The following SERPINI1 variants were observed in gnomAD, a reference collection of about 807,000 sequenced individuals.
SERPINI1 encodes serpin family I member 1.
In SERPINI1, 19 loss-of-function variants were observed where a neutral mutation model predicts 41.1. The observed-to-expected ratio is 0.46, with a 90% CI of 0.32 to 0.68. The LOEUF (loss-of-function observed/expected upper bound fraction) is 0.68, where lower values mean the gene tolerates loss of function less well. Among genes scored for constraint, SERPINI1 ranks in the 30% least tolerant of loss-of-function variants. The probability of loss-of-function intolerance (pLI) is 0.03; values close to 1 mark genes in which losing one functional copy is unlikely to be tolerated. For missense variants in SERPINI1, 460 were observed against 479.2 expected, an observed-to-expected ratio of 0.96 and a Z score of 0.37; for synonymous variants, 138 against 156.6, an observed-to-expected ratio of 0.88 and a Z score of 0.89.
intron 1 of SERPINI1, among the ~76,000 whole-genome samples, chr3:167,750,831 A>C (rs1163704714): frequency 1.3e-5 from 2 of 152,134 alleles, no homozygotes. Context: ...AGTAACCAGA[A>C]TACTTTGTGT....
At chr3:167,796,505 C>T (rs1324503960) in intron 5 of SERPINI1, among the ~76,000 whole-genome samples, 1 of 152,050 alleles carries the variant, frequency 6.6e-6, no homozygotes, top group Non-Finnish European at 1.5e-5. Context: ...TGATACTCTC[C>T]CTCCCCGCAA....
rs1712452607 is a variant in SERPINI1, at chr3:167,824,571, A to G, written c.1156+9A>G. 1 of 1,592,828 alleles carries G rather than the reference A, an allele frequency of 6.3e-7. No homozygotes were observed. Among genetic ancestry groups the G allele is most frequent in the Non-Finnish European group, 8.6e-7 (1 of 1,161,446 alleles). ...CAGAAACAGGAGAACTGGTAAGTTTATTATGAAAACAAAATTTTATTTAAT... is the reference window on the plus strand; with the variant it reads ...CAGAAACAGGAGAACTGGTAAGTTTGTTATGAAAACAAAATTTTATTTAAT... On this transcript the variant is annotated intron_variant, in intron 8 of 8. Transcript: ENST00000446050.
At chr3:167,739,618 A>G (rs1312421316) in intron 1 of SERPINI1, among the ~76,000 whole-genome samples, 3 of 152,144 alleles carry the variant, frequency 2.0e-5, no homozygotes, top group African/African-American at 7.2e-5. Context: ...CCAGGGCTCA[A>G]CCACCATTTA....
At chr3:167,809,664 A>G (rs189433910) in intron 6 of SERPINI1, among the ~76,000 whole-genome samples, 136 of 152,264 alleles carry the variant, frequency 8.9e-4, no homozygotes, top group Middle Eastern at 3.4e-3. Flanking sequence ...TGTTTGATCA[A>G]AACTTCCGTG....
At chr3:167,786,606 G>A (rs1313054056) in intron 1 of SERPINI1, among the ~76,000 whole-genome samples, 1 of 151,742 alleles carries the variant, frequency 6.6e-6, no homozygotes, top group Non-Finnish European at 1.5e-5. Context: ...GAAGTTTTCT[G>A]GGTAAATCGG....
chr3:167,803,199 C>T (rs946262567), intron 5 of SERPINI1, among the ~76,000 whole-genome samples: 2 of 151,522 alleles, frequency 1.3e-5, no homozygotes, highest in African/African-American at 2.4e-5. Flanking sequence ...GTGGGTGCAG[C>T]GCACCAGCAT....
In SERPINI1 at chr3:167,775,950, C is replaced by A. The variant is rs985296835; in HGVS notation, c.-18-13161C>A. ...CTCCAGCCTGGGCGACAGAGTGAGA[C>A]CCCGTCCCAAAAAAAAGCGAAAAAA... On this transcript the variant is annotated intron_variant, in intron 1 of 8. Coordinates refer to ENST00000446050, the MANE Select transcript of SERPINI1 (RefSeq NM_001122752.2). Among the ~76,000 whole-genome samples, 36 of 152,070 alleles carry A rather than the reference C, an allele frequency of 2.4e-4. 1 individual carries two copies. The highest frequency in any genetic ancestry group is 1.8e-3 in the Admixed American group (27 of 15,262).
chr3:167,812,274 A>G (rs1027855115), intron 6 of SERPINI1, among the ~76,000 whole-genome samples: 5 of 152,214 alleles, frequency 3.3e-5, no homozygotes, highest in Non-Finnish European at 5.9e-5. Flanking sequence ...GCCAGCCTTC[A>G]GTCACCTGTG....
intron 5 of SERPINI1, among the ~76,000 whole-genome samples, chr3:167,803,200 G>A (rs62279604): frequency 0.16 from 24,224 of 151,198 alleles, 2,273 homozygotes; most frequent in Non-Finnish European, 0.22. Flanking sequence ...TGGGTGCAGC[G>A]CACCAGCATG....
intron 1 of SERPINI1, among the ~76,000 whole-genome samples, chr3:167,773,878 A>T (rs1031264771): frequency 1.3e-5 from 2 of 152,204 alleles, no homozygotes; most frequent in Non-Finnish European, 2.9e-5. Context: ...GTCCTGAAAA[A>T]GACTGTTTAT....
In SERPINI1 at chr3:167,825,373, T is replaced by A; in HGVS notation, c.*50T>A. The A allele has an allele frequency of 1.8e-6, 2 of 1,090,974 alleles. No homozygotes were observed. Among genetic ancestry groups the A allele is most frequent in the Non-Finnish European group, 2.8e-6 (2 of 702,446 alleles). 67.6% of individuals were successfully genotyped at this position (1,090,974 alleles called of 1,614,324 possible). A position where few individuals can be genotyped will look rare whatever the true frequency, so the allele number is the denominator to read the frequency against. On this transcript the variant is annotated 3_prime_UTR_variant, in exon 9 of 9. Coordinates refer to ENST00000446050, the MANE Select transcript of SERPINI1 (RefSeq NM_001122752.2). ...AAACAGTAACTAAGCACATTATGTT[T>A]GCAACTGGTATATATTTAGGATTTG...
intron 1 of SERPINI1, among the ~76,000 whole-genome samples, chr3:167,755,954 GCTC>G (rs1010933911): frequency 2.0e-5 from 3 of 151,920 alleles, no homozygotes; most frequent in Non-Finnish European, 4.4e-5. Flanking sequence ...TGACTAGCTG[GCTC>G]CTCCGACATT....
intron 1 of SERPINI1, among the ~76,000 whole-genome samples, chr3:167,739,195 T>C (rs1183986398): frequency 1.3e-5 from 2 of 151,976 alleles, no homozygotes; most frequent in Admixed American, 6.6e-5. Context: ...AACTACGTTA[T>C]TAACTCTTAG....
intron 1 of SERPINI1, among the ~76,000 whole-genome samples, chr3:167,787,268 A>G (rs1727345968): frequency 1.3e-5 from 2 of 152,308 alleles, no homozygotes; most frequent in African/African-American, 2.4e-5. Flanking sequence ...CTGAGGCTGT[A>G]TAACAGTTAT....
intron 1 of SERPINI1, among the ~76,000 whole-genome samples, chr3:167,768,705 C>A (rs181685061): frequency 2.6e-4 from 39 of 150,892 alleles, no homozygotes; most frequent in African/African-American, 9.4e-4. Flanking sequence ...TATGGAATTT[C>A]TCTAACGTAT....
intron 1 of SERPINI1, among the ~76,000 whole-genome samples, chr3:167,744,838 TATA>T (rs1331668294): frequency 1.7e-5 from 2 of 117,926 alleles, no homozygotes; most frequent in African/African-American, 7.2e-5. Context: ...ATATATATAT[TATA>T]TATAACTATA....
chr3:167,774,611 C>G (rs1370946682), intron 1 of SERPINI1, among the ~76,000 whole-genome samples: 2 of 152,106 alleles, frequency 1.3e-5, no homozygotes, highest in Non-Finnish European at 2.9e-5. Context: ...AATTACCAAC[C>G]CGAGCTCCAC....
At chr3:167,786,272 G>A (rs62279568) in intron 1 of SERPINI1, among the ~76,000 whole-genome samples, 8,743 of 152,218 alleles carry the variant, frequency 0.057, 296 homozygotes, top group Admixed American at 0.086. Flanking sequence ...GGAGGCCAAG[G>A]CGGGCGGATC....
rs989244851 is a variant in SERPINI1, at chr3:167,772,035, C to T, written c.-18-17076C>T. Among the ~76,000 whole-genome samples, 3 of 152,314 alleles carry T rather than the reference C, an allele frequency of 2.0e-5. No individual in the cohort carries two copies. The East Asian group carries it at 5.8e-4, about 29-fold the overall frequency. On this transcript the variant is annotated intron_variant, in intron 1 of 8. Transcript: ENST00000446050. ...GAAGGTTCAGATCCCCTCTTCACTC[C>T]TTAATAAACTGTGTGAACATGTTAT...
Sources: gnomAD v4.1 joint callset for allele counts (sites outside exome capture counted in the v4.1 genomes callset) on GRCh38, gnomAD v4.1.1 for gene constraint, MANE v1.5 for transcripts, NCBI Gene and HGNC (gene_info 2026-07-23, HGNC 2026-07-21) for gene names.